LY6S: variants seen among roughly 807,000 people sequenced by gnomAD.
LY6S encodes the protein lymphocyte antigen 6S.
chr8:143,070,476 A>ATATATATATATAATATATATATAAT, the LY6S span, among the ~76,000 whole-genome samples: 26 of 76,914 alleles, frequency 3.4e-4, no homozygotes, highest in East Asian at 3.5e-3. Flanking sequence ...TATATATATA[A>ATATATATATATAATATATATATAAT]ATATATATAT....
the LY6S span, among the ~76,000 whole-genome samples, chr8:143,071,775 T>C: frequency 0.22 from 33,402 of 152,096 alleles, 5,244 homozygotes; most frequent in African/African-American, 0.43. Flanking sequence ...TCTACGCACG[T>C]GCCCGGCTTC....
the LY6S span, among the ~76,000 whole-genome samples, chr8:143,047,032 A>G: frequency 1.3e-3 from 205 of 152,264 alleles, no homozygotes; most frequent in Middle Eastern, 0.014. Flanking sequence ...CAAATAAAAA[A>G]TAAAGTAAGG....
the LY6S span, among the ~76,000 whole-genome samples, chr8:143,059,262 G>C: frequency 1.3e-5 from 2 of 152,154 alleles, no homozygotes; most frequent in African/African-American, 4.8e-5. Context: ...CTCTGATAGT[G>C]CTTTTGTGGA....
chr8:143,050,321 C>T, the LY6S span, among the ~76,000 whole-genome samples: 2 of 151,940 alleles, frequency 1.3e-5, no homozygotes, highest in Admixed American at 1.3e-4. Context: ...GCTGGAATTA[C>T]AGGCATGCAC....
chr8:143,052,236 G>A, the LY6S span, among the ~76,000 whole-genome samples: 10 of 152,100 alleles, frequency 6.6e-5, no homozygotes, highest in South Asian at 4.1e-4. Flanking sequence ...AGCCGAGATC[G>A]CACCACTGCA....
At chr8:143,072,553 G>A in the LY6S span, among the ~76,000 whole-genome samples, 5 of 132,670 alleles carry the variant, frequency 3.8e-5, no homozygotes, top group Admixed American at 7.6e-5. Flanking sequence ...CGTCCTCGTG[G>A]TCCCTGTTTG....
chr8:143,057,871 C>T, the LY6S span: 27 of 664,584 alleles, frequency 4.1e-5, no homozygotes, highest in South Asian at 3.6e-4. Flanking sequence ...GTGTCGGGTG[C>T]CATATGAGAG....
the LY6S span, among the ~76,000 whole-genome samples, chr8:143,052,060 T>C: frequency 2.0e-5 from 3 of 150,450 alleles, no homozygotes; most frequent in Non-Finnish European, 4.4e-5. Flanking sequence ...GGCGGGCAGA[T>C]CACGAGGTCA....
chr8:143,074,338 G>A, the LY6S span, among the ~76,000 whole-genome samples: 670 of 152,146 alleles, frequency 4.4e-3, 4 homozygotes, highest in African/African-American at 0.015. Context: ...GTGTGTATGT[G>A]GGTGTGTGTG....
chr8:143,044,552 C>A, the LY6S span: 4 of 502,940 alleles, frequency 8.0e-6, no homozygotes, highest in African/African-American at 2.0e-5. Flanking sequence ...CCACCCCCCA[C>A]CTCAGGAGCC....
chr8:143,070,799 T>C, the LY6S span, among the ~76,000 whole-genome samples: 1 of 152,122 alleles, frequency 6.6e-6, no homozygotes, highest in African/African-American at 2.4e-5. Context: ...TTGCCCTATG[T>C]TTTTATGTAT....
the LY6S span, among the ~76,000 whole-genome samples, chr8:143,041,895 C>A: frequency 7.0e-6 from 1 of 142,604 alleles, no homozygotes; most frequent in Non-Finnish European, 1.5e-5. Context: ...CTCAGCCCAG[C>A]CCTGACTCCA....
the LY6S span, among the ~76,000 whole-genome samples, chr8:143,065,331 C>A: frequency 6.6e-6 from 1 of 152,170 alleles, no homozygotes; most frequent in Non-Finnish European, 1.5e-5. Context: ...CCCTGGGGAA[C>A]AGGACAGACC....
the LY6S span, among the ~76,000 whole-genome samples, chr8:143,045,587 C>T: frequency 6.6e-6 from 1 of 152,148 alleles, no homozygotes; most frequent in Non-Finnish European, 1.5e-5. This position sits in a 1 kb window ranked among gnomAD's most constrained non-coding sequence, Gnocchi z 5.3. Context: ...AGCCCCATGG[C>T]TGTACTGCAC....
chr8:143,044,794 C>T, the LY6S span: 12 of 1,366,966 alleles, frequency 8.8e-6, no homozygotes, highest in South Asian at 3.4e-5. Context: ...GCAGCGCAGA[C>T]CCTGAGCTGG....
chr8:143,066,118 C>T, the LY6S span: 1 of 403,758 alleles, frequency 2.5e-6, no homozygotes, highest in Non-Finnish European at 4.7e-6. Flanking sequence ...TCCCTGACTG[C>T]TGCGGCCTCC....
chr8:143,052,901 C>G, the LY6S span, among the ~76,000 whole-genome samples: 1 of 152,162 alleles, frequency 6.6e-6, no homozygotes, highest in African/African-American at 2.4e-5. Flanking sequence ...GGAGACCCTC[C>G]CTCACCTTAG....
the LY6S span, among the ~76,000 whole-genome samples, chr8:143,060,993 G>A: frequency 6.6e-6 from 1 of 152,146 alleles, no homozygotes; most frequent in Non-Finnish European, 1.5e-5. Flanking sequence ...AAAAATAAAA[G>A]CAAACAGTGA....
chr8:143,044,674 A>G, the LY6S span: 1 of 1,366,942 alleles, frequency 7.3e-7, no homozygotes. Context: ...CTGGCACCCC[A>G]GGGACTCACT....
Sources: gnomAD v4.1 joint callset for allele counts (sites outside exome capture counted in the v4.1 genomes callset) on GRCh38, gnomAD v4.1.1 for gene constraint, Gnocchi (gnomAD v3.1) non-coding constraint, MANE v1.5 for transcripts, NCBI Gene and HGNC (gene_info 2026-07-23, HGNC 2026-07-21) for gene names.